NELL2: variants seen among roughly 807,000 people sequenced by gnomAD.
NELL2 encodes the protein neural EGFL like 2.
NELL2 carries 41 observed loss-of-function variants against 109.6 expected under a neutral mutation model. The observed-to-expected ratio is 0.37, with a 90% confidence interval of 0.29 to 0.49. NELL2 has a LOEUF of 0.49. Among genes scored for constraint, NELL2 ranks in the 20% least tolerant of loss-of-function variants. The pLI, the probability that NELL2 is intolerant of heterozygous loss-of-function variation, is 0.98. For missense variants in NELL2, 900 were observed against 1,008.3 expected (o/e 0.89, Z 1.45); for synonymous variants, 355 against 344.7 (o/e 1.03, Z -0.33).
At position 44,875,821 on chromosome 12, in the gene NELL2, C is replaced by T. The variant is rs746027528; in HGVS notation, c.49G>A (p.Gly17Arg). The part of the protein sequence containing the change: ...LRTFCLIFGL[G>R]AVWGLGVDPS... ...CAGCTCTGCGGCCACTCACCTGCTC[C>T]GAGACCGAAGATCAAACAGAATGTT... Residue 17 changes from glycine to arginine, a missense_variant, in exon 1 of 20, where the codon GGA (glycine) becomes AGA (arginine). Physicochemically the swap from Gly to Arg is moderately radical, Grantham distance 125 (BLOSUM62 -2). Around this residue, in one of 4 missense-constraint regions of NELL2, gnomAD observed 200 missense variants for 191.8 expected, o/e 1.04. Coordinates refer to ENST00000429094, the MANE Select transcript of NELL2 (RefSeq NM_001145108.2). The T allele has an allele frequency of 9.9e-6, 16 of 1,613,746 alleles. No individual in the cohort carries two copies. Among genetic ancestry groups the T allele is most frequent in the African/African-American group, 1.3e-5 (1 of 74,912 alleles).
chr12:44,660,956 G>A (rs1377713829), intron 13 of NELL2, among the ~76,000 whole-genome samples: 1 of 152,096 alleles, frequency 6.6e-6, no homozygotes, highest in African/African-American at 2.4e-5. Flanking sequence ...TGATGAATTG[G>A]CAGCCAGCAC....
At chr12:44,575,802 C>T (rs1040004191) in intron 15 of NELL2, among the ~76,000 whole-genome samples, 1 of 152,198 alleles carries the variant, frequency 6.6e-6, no homozygotes, top group African/African-American at 2.4e-5. Context: ...TTCTCACTCC[C>T]ACTTTGATGC....
intron 10 of NELL2, among the ~76,000 whole-genome samples, chr12:44,713,462 A>G (rs777140753): frequency 1.3e-5 from 2 of 151,896 alleles, no homozygotes; most frequent in African/African-American, 4.8e-5. Context: ...GACTTACTCC[A>G]CTTAAAACGG....
chr12:44,899,783 G>T (rs1945638722), intron 1 of NELL2, among the ~76,000 whole-genome samples: 1 of 152,068 alleles, frequency 6.6e-6, no homozygotes, highest in African/African-American at 2.4e-5. Flanking sequence ...AATGTAAATG[G>T]GCTAAATTGC....
At chr12:44,700,802 T>C (rs994521803) in intron 12 of NELL2, among the ~76,000 whole-genome samples, 6 of 152,280 alleles carry the variant, frequency 3.9e-5, no homozygotes, top group Non-Finnish European at 4.4e-5. Flanking sequence ...ATATTAGTCA[T>C]GTATATCTAA....
At chr12:44,607,037 T>G (rs1388146332) in intron 15 of NELL2, 132 bp downstream of exon 15, 1 of 683,838 alleles carries the variant, frequency 1.5e-6, no homozygotes, top group Middle Eastern at 3.4e-4. Flanking sequence ...ACCTCCTCCC[T>G]CCTATCACTT....
At chr12:44,643,101 A>G (rs1946921259) in intron 13 of NELL2, among the ~76,000 whole-genome samples, 1 of 152,216 alleles carries the variant, frequency 6.6e-6, no homozygotes, top group African/African-American at 2.4e-5. Flanking sequence ...CTTTCAGATG[A>G]AAATTTTATA....
At chr12:44,749,313 A>G (rs1940540431) in intron 9 of NELL2, among the ~76,000 whole-genome samples, 1 of 152,178 alleles carries the variant, frequency 6.6e-6, no homozygotes, top group Non-Finnish European at 1.5e-5. Flanking sequence ...TACATATTCA[A>G]TATTCTTACC....
At chr12:44,692,211 A>C (rs1948921085) in intron 12 of NELL2, among the ~76,000 whole-genome samples, 1 of 152,158 alleles carries the variant, frequency 6.6e-6, no homozygotes, top group South Asian at 2.1e-4. Context: ...CCATTTCAAA[A>C]ACCCTAGGGC....
chr12:44,619,005 C>T (rs1945941232), intron 13 of NELL2, among the ~76,000 whole-genome samples: 1 of 152,072 alleles, frequency 6.6e-6, no homozygotes, highest in African/African-American at 2.4e-5. Flanking sequence ...AAGGCCAGAC[C>T]TTCAGTGCTT....
intron 15 of NELL2, among the ~76,000 whole-genome samples, chr12:44,553,063 G>A (rs1183079648): frequency 2.2e-5 from 3 of 134,024 alleles, no homozygotes. Context: ...GGTGGGAATT[G>A]AACAATGAGA....
intron 1 of NELL2, among the ~76,000 whole-genome samples, chr12:44,919,616 G>A (rs1480693339): frequency 1.3e-5 from 2 of 152,132 alleles, no homozygotes; most frequent in African/African-American, 2.4e-5. Flanking sequence ...CTGTGTGAAC[G>A]TGAAGGTAGT....
At chr12:44,631,515 G>A (rs553249626) in intron 13 of NELL2, among the ~76,000 whole-genome samples, 5 of 152,006 alleles carry the variant, frequency 3.3e-5, no homozygotes, top group African/African-American at 9.6e-5. Flanking sequence ...CGGCAACAGC[G>A]GACACTGGGG....
intron 11 of NELL2, among the ~76,000 whole-genome samples, chr12:44,706,437 TA>T (rs1433510100): frequency 6.6e-6 from 1 of 152,164 alleles, no homozygotes; most frequent in African/African-American, 2.4e-5. Context: ...AACATAATCC[TA>T]TTATCTTCAT....
rs1940838642 is a variant in NELL2 at position 44,508,707 on chromosome 12, G to C, written c.*227C>G. 1.9e-5 allele frequency: 10 copies of C among 538,286 alleles called. No individual in the cohort carries two copies. Among genetic ancestry groups the C allele is most frequent in the Non-Finnish European group, 3.4e-5 (10 of 296,152 alleles). The allele number at this position is 538,286 out of a possible 1,614,324, so 33.3% of individuals were successfully genotyped here. On this transcript the variant is annotated 3_prime_UTR_variant, in exon 20 of 20. Transcript: ENST00000429094. The stretch of plus-strand genomic sequence containing the variant: ...TACTGTACGCCCATTCTTCTACATG[G>C]TGATGTGAGACACAGTAGAGGCAGA...
Position 44,616,427 on chromosome 12 carries a change from T to C in NELL2, c.1445-5457A>G, listed in dbSNP as rs1945824259. Among the ~76,000 whole-genome samples, 10 of 116,646 alleles carry C rather than the reference T, an allele frequency of 8.6e-5. 1 individual carries two copies. The South Asian group carries it at 2.2e-3, about 26-fold the overall frequency. The allele number at this position is 116,646 out of a possible 152,430, so 76.5% of individuals were successfully genotyped here. On this transcript the variant is annotated intron_variant, in intron 13 of 19. Coordinates refer to ENST00000429094, the MANE Select transcript of NELL2 (RefSeq NM_001145108.2). ...AATTTCACGTAAGTAAATTATCTCT[T>C]AGATTGTAGCAGATATGGCCCTAAA...
At chr12:44,708,432 G>A (rs1285998307) in intron 11 of NELL2, among the ~76,000 whole-genome samples, 1 of 152,126 alleles carries the variant, frequency 6.6e-6, no homozygotes, top group Non-Finnish European at 1.5e-5. Flanking sequence ...TTTACTAACT[G>A]TTGTCCAACA....
chr12:44,700,290 G>C (rs980285004), intron 12 of NELL2, among the ~76,000 whole-genome samples: 1 of 152,152 alleles, frequency 6.6e-6, no homozygotes, highest in Admixed American at 6.6e-5. Flanking sequence ...TGGTTTCCCT[G>C]CATCCAGCCT....
At chr12:44,738,824 A>ACC (rs1939787590) in intron 9 of NELL2, among the ~76,000 whole-genome samples, 1 of 152,236 alleles carries the variant, frequency 6.6e-6, no homozygotes, top group Non-Finnish European at 1.5e-5. Flanking sequence ...TTTTCTGATC[A>ACC]TAAAAAGGTA....
Sources: gnomAD v4.1 joint callset for allele counts (sites outside exome capture counted in the v4.1 genomes callset) on GRCh38, gnomAD v4.1.1 for gene constraint, gnomAD v4.1.1 regional missense constraint, MANE v1.5 for transcripts, NCBI Gene and HGNC (gene_info 2026-07-23, HGNC 2026-07-21) for gene names.